The following CLN8 variants were observed in gnomAD, a reference collection of about 807,000 sequenced individuals.
The protein encoded by CLN8 is CLN8 transmembrane ER and ERGIC protein, also known as protein CLN8.
CLN8 carries 14 observed loss-of-function variants against 15.7 expected under a neutral mutation model. The ratio of observed to expected loss-of-function variants is 0.89; its 90% CI spans 0.59 to 1.39. The LOEUF is 1.39. Among genes scored for constraint, CLN8 ranks in the 40% most tolerant of loss-of-function variants. The pLI is 0.00. For synonymous variants in CLN8, 188 were observed against 151.0 expected (o/e 1.25, Z -1.80); for missense variants, 415 against 364.0 (o/e 1.14, Z -1.14).
chr8:1,757,690 C>G (rs540087719), intron 1 of CLN8, among the ~76,000 whole-genome samples: 98 of 152,296 alleles, frequency 6.4e-4, no homozygotes, highest in African/African-American at 2.2e-3. Context: ...CCTCGGCCTC[C>G]CAGAGTGCTG....
At chr8:1,769,121 G>A (rs1801199631) in intron 1 of CLN8, among the ~76,000 whole-genome samples, 1 of 152,172 alleles carries the variant, frequency 6.6e-6, no homozygotes, top group Non-Finnish European at 1.5e-5. Context: ...GCTAGTCTGT[G>A]TTAAAGCTGG....
chr8:1,753,253 G>A (rs1800594575), upstream of CLN8, among the ~76,000 whole-genome samples: 2 of 152,154 alleles, frequency 1.3e-5, no homozygotes, highest in South Asian at 2.1e-4. Flanking sequence ...TTTATTAGGA[G>A]TTCACAGATG....
At chr8:1,773,122 T>C in intron 2 of CLN8, 1 of 393,754 alleles carries the variant, frequency 2.5e-6, no homozygotes, top group Non-Finnish European at 4.5e-6. Context: ...GAACTTGTGT[T>C]CCTGGTGTCC....
intron 1 of CLN8, among the ~76,000 whole-genome samples, chr8:1,757,147 G>A (rs936793075): frequency 4.6e-5 from 7 of 152,196 alleles, no homozygotes; most frequent in African/African-American, 1.7e-4. Flanking sequence ...TTTAAGCGGA[G>A]GTGTGTCCTC....
chr8:1,771,929 A>ATATTTATTTATTTATT lies in CLN8; in HGVS notation c.543+338_543+353dup, dbSNP rs142696456. ...TAATTTTTTCCTTTCTTTTAATACTATATTTATTTATTTATTTATTTTTTG... is the reference window on the plus strand; with the variant it reads ...TAATTTTTTCCTTTCTTTTAATACTATATTTATTTATTTATTTATTTATTTATTTATTTATTTTTTG... On this transcript the variant is annotated intron_variant, in intron 2 of 2. Coordinates refer to ENST00000331222, the MANE Select transcript of CLN8 (RefSeq NM_018941.4). 7.4e-4 allele frequency among the ~76,000 whole-genome samples: 109 copies of ATATTTATTTATTTATT among 148,168 alleles called. 1 individual carries two copies. The highest frequency in any genetic ancestry group is 2.6e-3 in the African/African-American group (103 of 40,372).
chr8:1,781,432 C>T lies in CLN8; in HGVS notation c.*865C>T, dbSNP rs1299484202. Reference sequence around the variant, plus strand: ...CAGTGCCATCTGGTGGCAAGTGGTACAAAGACAACGCTGAGGGGTAGTGAC... The same window carrying T: ...CAGTGCCATCTGGTGGCAAGTGGTATAAAGACAACGCTGAGGGGTAGTGAC... On this transcript the variant is annotated 3_prime_UTR_variant, in exon 3 of 3. Coordinates refer to ENST00000331222, the MANE Select transcript of CLN8 (RefSeq NM_018941.4). 4.0e-5 allele frequency: 6 copies of T among 148,300 alleles called. No individual in the cohort carries two copies. The highest frequency in any genetic ancestry group is 8.9e-5 in the Non-Finnish European group (6 of 67,468). The allele number at this position is 148,300 out of a possible 1,614,324, so 9.2% of individuals were successfully genotyped here.
Position 1,770,951 on chromosome 8 carries a change from C to T in CLN8, c.-104C>T, listed in dbSNP as rs1213142061. 9.6e-7 allele frequency: 1 copy of T among 1,041,478 alleles called. No individual in the cohort carries two copies. Among genetic ancestry groups the T allele is most frequent in the Non-Finnish European group, 1.5e-6 (1 of 675,872 alleles). The allele number at this position is 1,041,478 out of a possible 1,614,324, so 64.5% of individuals were successfully genotyped here. The stretch of plus-strand genomic sequence containing the variant: ...TTTTAGATTGAAGATGGATACGTGA[C>T]AATCCCAGGGACCGCTGCACTGACT... On this transcript the variant is annotated 5_prime_UTR_variant, in exon 2 of 3. Transcript: ENST00000331222.
chr8:1,759,132 G>A (rs146478003), upstream of CLN8: 2 of 152,282 alleles, frequency 1.3e-5, no homozygotes, highest in East Asian at 1.9e-4. Flanking sequence ...CTGCTTTGAC[G>A]TTAATGCAGG....
chr8:1,754,507 T>C (rs971924260), upstream of CLN8, among the ~76,000 whole-genome samples: 5 of 152,228 alleles, frequency 3.3e-5, no homozygotes, highest in African/African-American at 1.2e-4. Flanking sequence ...TGATTCTCTT[T>C]TGTAGTGAGG....
chr8:1,770,905 A>C, intron 1 of CLN8, 27 bp from the exon 2 acceptor site: 1 of 725,502 alleles, frequency 1.4e-6, no homozygotes, highest in Non-Finnish European at 2.4e-6. Context: ...TATCGAGTCA[A>C]CACAAAATGA....
chr8:1,762,562 A>C (rs1191439460), upstream of CLN8: 1 of 152,210 alleles, frequency 6.6e-6, no homozygotes, highest in African/African-American at 2.4e-5. Flanking sequence ...GGCTTCAACA[A>C]ACCTAAATGA....
chr8:1,774,277 A>G (rs1367122097), intron 2 of CLN8, among the ~76,000 whole-genome samples: 1 of 152,190 alleles, frequency 6.6e-6, no homozygotes, highest in African/African-American at 2.4e-5. Flanking sequence ...AGGGTTATTT[A>G]AGTATTTACT....
chr8:1,769,313 C>T (rs1028434047), intron 1 of CLN8, among the ~76,000 whole-genome samples: 5 of 152,144 alleles, frequency 3.3e-5, no homozygotes, highest in East Asian at 3.9e-4. Context: ...GTGGTCACAG[C>T]GACCTTTTTG....
chr8:1,770,963 C>G lies in CLN8; in HGVS notation c.-92C>G, dbSNP rs1285580716. ...GATGGATACGTGACAATCCCAGGGA[C>G]CGCTGCACTGACTTCATTTCCTTAG... On this transcript the variant is annotated 5_prime_UTR_variant, in exon 2 of 3. Transcript: ENST00000331222. 2 of 1,159,644 alleles carry G rather than the reference C, an allele frequency of 1.7e-6. No individual in the cohort carries two copies. Among genetic ancestry groups the G allele is most frequent in the East Asian group, 4.7e-5 (2 of 42,684 alleles). 71.8% of individuals were successfully genotyped at this position (1,159,644 alleles called of 1,614,324 possible).
intron 1 of CLN8, among the ~76,000 whole-genome samples, chr8:1,767,308 G>A (rs963666078): frequency 5.3e-5 from 8 of 152,188 alleles, no homozygotes; most frequent in Non-Finnish European, 7.4e-5. Flanking sequence ...ATAATCTGCT[G>A]TTTCTGCATC....
Position 1,785,141 on chromosome 8 carries a change from G to A in CLN8, c.*4574G>A, listed in dbSNP as rs139385174. The A allele has an allele frequency of 1.4e-3, 224 of 160,242 alleles. 1 individual carries two copies. Among genetic ancestry groups the A allele is most frequent in the African/African-American group, 4.8e-3 (200 of 41,704 alleles). 9.9% of individuals were successfully genotyped at this position (160,242 alleles called of 1,614,324 possible). A position where few individuals can be genotyped will look rare whatever the true frequency, so the allele number is the denominator to read the frequency against. ...CAGACAGAAGCGGAGGGGCTCCGTC[G>A]CTCTGCCCTCACGCCGCTGAACCGC... On this transcript the variant is annotated 3_prime_UTR_variant, in exon 3 of 3. Coordinates refer to ENST00000331222, the MANE Select transcript of CLN8 (RefSeq NM_018941.4).
At chr8:1,766,383 G>GTTTTTTT (rs1447639643) in intron 1 of CLN8, among the ~76,000 whole-genome samples, 13 of 120,926 alleles carry the variant, frequency 1.1e-4, no homozygotes, top group African/African-American at 4.3e-4. Flanking sequence ...TCGGCCTCCA[G>GTTTTTTT]TTTTTTGTTT....
At chr8:1,761,374 G>C (rs530936116), upstream of CLN8, among the ~76,000 whole-genome samples, 4 of 152,260 alleles carry the variant, frequency 2.6e-5, no homozygotes, top group African/African-American at 9.6e-5. Flanking sequence ...GCCCAGGCTG[G>C]AGTGCAGTGG....
upstream of CLN8, chr8:1,759,739 T>C (rs918718926): frequency 6.6e-6 from 1 of 152,206 alleles, no homozygotes; most frequent in African/African-American, 2.4e-5. Flanking sequence ...TGTCAGCAGA[T>C]CCTGAACTTG....
Sources: allele counts gnomAD v4.1 joint callset (sites outside exome capture counted in the v4.1 genomes callset), GRCh38; gene constraint gnomAD v4.1.1; transcripts MANE v1.5; gene names NCBI Gene and HGNC (gene_info 2026-07-23, HGNC 2026-07-21).